EXOC1: variants seen among roughly 807,000 people sequenced by gnomAD.
The protein encoded by EXOC1 is SEC3-like 1.
In EXOC1, 67 loss-of-function variants were observed where a neutral mutation model predicts 107.7. The observed-to-expected ratio is 0.62, with a 90% CI of 0.51 to 0.76. The LOEUF is 0.76. Among genes scored for constraint, EXOC1 ranks in the 30% least tolerant of loss-of-function variants. The probability of loss-of-function intolerance (pLI) is 0.00; values close to 1 mark genes in which losing one functional copy is unlikely to be tolerated. For missense variants in EXOC1, 833 were observed against 1,055.7 expected (o/e 0.79, Z 2.92); for synonymous variants, 348 against 353.5 (o/e 0.98, Z 0.17).
intron 4 of EXOC1, among the ~76,000 whole-genome samples, chr4:55,866,447 C>T (rs531251798): frequency 6.6e-6 from 1 of 152,054 alleles, no homozygotes; most frequent in East Asian, 1.9e-4. Flanking sequence ...TCCTTTCTAA[C>T]CATGTTTTGT....
At chr4:55,899,663 A>G (rs1560365860) in intron 16 of EXOC1, 22 bp from the exon 17 acceptor site, 2 of 1,593,358 alleles carry the variant, frequency 1.3e-6, no homozygotes. Flanking sequence ...ATGTTATTTT[A>G]TTTTTTCTGT....
intron 9 of EXOC1, among the ~76,000 whole-genome samples, chr4:55,880,455 C>G (rs1339572699): frequency 3.3e-5 from 5 of 152,114 alleles, no homozygotes; most frequent in South Asian, 2.1e-4. Context: ...TGTTTTCATT[C>G]AACAGAATTC....
At chr4:55,890,444 T>A in intron 12 of EXOC1, 58 bp downstream of exon 12, 2 of 1,518,024 alleles carry the variant, frequency 1.3e-6, no homozygotes, top group Non-Finnish European at 1.8e-6. Context: ...AACAGCAGTT[T>A]GTGGTTGCTC....
At chr4:55,893,360 CCTG>C (rs1327892397) in intron 14 of EXOC1, among the ~76,000 whole-genome samples, 189 bp from the exon 15 acceptor site, 1 of 152,106 alleles carries the variant, frequency 6.6e-6, no homozygotes, top group East Asian at 1.9e-4. Context: ...CCTCAGGTGA[CCTG>C]CACACCTTGG....
chr4:55,901,597 A>T (rs1725927830), intron 17 of EXOC1, among the ~76,000 whole-genome samples: 2 of 152,130 alleles, frequency 1.3e-5, no homozygotes. Context: ...AAATGGGGCA[A>T]GGGGCTGAAT....
chr4:55,873,853 G>A (rs896044124), intron 8 of EXOC1, among the ~76,000 whole-genome samples: 3 of 151,972 alleles, frequency 2.0e-5, no homozygotes, highest in Admixed American at 6.5e-5. Context: ...AAAATAATAT[G>A]GTACACCTCT....
chr4:55,883,807 T>C lies in EXOC1; in HGVS notation c.1225-16T>C. 1 of 1,476,596 alleles carries C rather than the reference T, an allele frequency of 6.8e-7. No homozygotes were observed. The allele number at this position is 1,476,596 out of a possible 1,614,324, so 91.5% of individuals were successfully genotyped here. A position where few individuals can be genotyped will look rare whatever the true frequency, so the allele number is the denominator to read the frequency against. On this transcript the variant is annotated splice_polypyrimidine_tract_variant and intron_variant, in intron 9 of 18. Coordinates refer to ENST00000381295, the MANE Select transcript of EXOC1 (RefSeq NM_001024924.2). ...GTGTTTTATTAATAAGAAGTACATG[T>C]TACTTTTATTTTAAGAATTACATGG...
intron 9 of EXOC1, among the ~76,000 whole-genome samples, chr4:55,878,370 C>T (rs1304836466): frequency 6.6e-6 from 1 of 152,160 alleles, no homozygotes; most frequent in Non-Finnish European, 1.5e-5. Context: ...GAAGTATGAG[C>T]ATTGCAAGTG....
chr4:55,886,575 C>CAAAAAAAAAA (rs71832369), intron 10 of EXOC1, among the ~76,000 whole-genome samples: 3 of 96,236 alleles, frequency 3.1e-5, no homozygotes, highest in African/African-American at 3.9e-5. Context: ...AACAAAAAAA[C>CAAAAAAAAAA]AAAAAAAAAA....
At chr4:55,875,623 T>C (rs1577718861) in intron 8 of EXOC1, 1 of 985,360 alleles carries the variant, frequency 1.0e-6, no homozygotes, top group East Asian at 1.1e-4. Context: ...TAGACAATAA[T>C]TTTGAGTCTT....
chr4:55,902,573 A>T (rs374384760), intron 18 of EXOC1, 35 bp downstream of exon 18: 4 of 1,415,930 alleles, frequency 2.8e-6, no homozygotes, highest in Non-Finnish European at 2.8e-6. Flanking sequence ...TGACTTAAAG[A>T]TCCTTACATA....
At chr4:55,877,058 A>T (rs1158192505) in intron 8 of EXOC1, 3 of 977,544 alleles carry the variant, frequency 3.1e-6, no homozygotes, top group Admixed American at 6.2e-5. Flanking sequence ...ATTCATAACC[A>T]CTAGGTTATT....
chr4:55,885,072 G>A (rs1246625120), intron 10 of EXOC1, among the ~76,000 whole-genome samples: 1 of 151,920 alleles, frequency 6.6e-6, no homozygotes, highest in Admixed American at 6.6e-5. Flanking sequence ...AAACAGCAGT[G>A]TGTTTATATC....
chr4:55,902,679 G>A, intron 18 of EXOC1, 141 bp downstream of exon 18: 1 of 539,482 alleles, frequency 1.9e-6, no homozygotes, highest in Non-Finnish European at 2.9e-6. Context: ...GAATTGTGAG[G>A]AAGAAAGGAA....
Position 55,904,620 on chromosome 4 carries a change from A to AAATG in EXOC1, c.*126_*129dup. On this transcript the variant is annotated 3_prime_UTR_variant, in exon 19 of 19. Transcript: ENST00000381295. ...TTTTATGTATTATTAAATGTTAGAT[A>AAATG]AATGGGTAGTACCATACTACAAATA... 1 of 950,714 alleles carries AAATG rather than the reference A, an allele frequency of 1.1e-6. No individual in the cohort carries two copies. Among genetic ancestry groups the AAATG allele is most frequent in the East Asian group, 2.8e-5 (1 of 35,826 alleles). The allele number at this position is 950,714 out of a possible 1,614,324, so 58.9% of individuals were successfully genotyped here. A position where few individuals can be genotyped will look rare whatever the true frequency, so the allele number is the denominator to read the frequency against.
intron 8 of EXOC1, chr4:55,877,671 T>C (rs1723025764): frequency 1.0e-6 from 1 of 985,296 alleles, no homozygotes; most frequent in African/African-American, 1.7e-5. Flanking sequence ...GAATGGGTAG[T>C]TGATTTATCA....
intron 8 of EXOC1, 77 bp downstream of exon 8, chr4:55,872,035 G>A (rs1483318966): frequency 1.6e-6 from 2 of 1,288,098 alleles, no homozygotes; most frequent in Non-Finnish European, 2.2e-6. Context: ...CCACAAAAAT[G>A]TTAATATGTT....
At chr4:55,873,800 G>T (rs73238382) in intron 8 of EXOC1, among the ~76,000 whole-genome samples, 12,850 of 152,092 alleles carry the variant, frequency 0.084, 643 homozygotes, top group African/African-American at 0.12. Context: ...AGAAACATGG[G>T]TATTTCTATT....
At chr4:55,897,206 A>G (rs538964323) in intron 16 of EXOC1, among the ~76,000 whole-genome samples, 1 of 151,294 alleles carries the variant, frequency 6.6e-6, no homozygotes, top group African/African-American at 2.4e-5. Flanking sequence ...GGCTCACTGC[A>G]ACCTCCACCT....
Sources: allele counts gnomAD v4.1 joint callset (sites outside exome capture counted in the v4.1 genomes callset), GRCh38; gene constraint gnomAD v4.1.1; transcripts MANE v1.5; gene names NCBI Gene and HGNC (gene_info 2026-07-23, HGNC 2026-07-21).